UBASH3B: variants seen among roughly 807,000 people sequenced by gnomAD.
The protein encoded by UBASH3B is ubiquitin associated and SH3 domain containing B, also known as ubiquitin-associated and SH3 domain-containing protein B.
A neutral mutation model predicts 83.4 loss-of-function variants in UBASH3B; 37 were observed. That is an observed-to-expected ratio of 0.44 (90% CI 0.34 to 0.58). UBASH3B has a LOEUF of 0.58. Among genes scored for constraint, UBASH3B ranks in the 20% least tolerant of loss-of-function variants. UBASH3B has a pLI of 0.01. For synonymous variants in UBASH3B, 304 were observed against 318.3 expected (o/e 0.96, Z 0.48); for missense variants, 657 against 827.2 (o/e 0.79, Z 2.52).
At chr11:122,672,388 T>G (rs1281252602) in intron 1 of UBASH3B, among the ~76,000 whole-genome samples, 1 of 152,014 alleles carries the variant, frequency 6.6e-6, no homozygotes, top group Non-Finnish European at 1.5e-5. Context: ...GGTACAATCT[T>G]GGCTCACTGC....
intron 6 of UBASH3B, among the ~76,000 whole-genome samples, chr11:122,789,863 T>A (rs939236834): frequency 6.6e-6 from 1 of 152,132 alleles, no homozygotes; most frequent in Non-Finnish European, 1.5e-5. Context: ...AGGGGTCCAT[T>A]TCCCCCCTCC....
intron 1 of UBASH3B, among the ~76,000 whole-genome samples, chr11:122,705,042 A>G (rs190116271): frequency 1.6e-4 from 25 of 152,318 alleles, no homozygotes; most frequent in Non-Finnish European, 2.8e-4. Flanking sequence ...CCTGGCCAAC[A>G]TATGTTTGGG....
At chr11:122,671,738 A>C (rs1041128501) in intron 1 of UBASH3B, among the ~76,000 whole-genome samples, 1 of 152,116 alleles carries the variant, frequency 6.6e-6, no homozygotes, top group Non-Finnish European at 1.5e-5. Context: ...GCGGTGGGAC[A>C]CCAGGAAAAC....
intron 1 of UBASH3B, among the ~76,000 whole-genome samples, chr11:122,693,062 TAC>T (rs1491162168): frequency 7.9e-5 from 12 of 151,948 alleles, no homozygotes; most frequent in Admixed American, 7.9e-4. Context: ...TCTCACAAAG[TAC>T]ATTCTCAAGG....
chr11:122,661,323 G>A (rs993863271), intron 1 of UBASH3B, among the ~76,000 whole-genome samples: 1 of 152,204 alleles, frequency 6.6e-6, no homozygotes. Flanking sequence ...CTCCAAGTTG[G>A]CTGCATGAGG....
intron 1 of UBASH3B, among the ~76,000 whole-genome samples, chr11:122,684,680 C>T (rs1863786528): frequency 6.6e-6 from 1 of 152,154 alleles, no homozygotes; most frequent in Non-Finnish European, 1.5e-5. Flanking sequence ...TCACTGCAAC[C>T]TCTACCTCCT....
At chr11:122,700,039 G>A (rs927317049) in intron 1 of UBASH3B, among the ~76,000 whole-genome samples, 1 of 152,192 alleles carries the variant, frequency 6.6e-6, no homozygotes, top group African/African-American at 2.4e-5. Context: ...TCACTTGGCC[G>A]TATTCAGTGG....
At chr11:122,697,105 TG>T (rs371199072) in intron 1 of UBASH3B, among the ~76,000 whole-genome samples, 1 of 152,052 alleles carries the variant, frequency 6.6e-6, no homozygotes, top group African/African-American at 2.4e-5. Flanking sequence ...GATTAGGGTT[TG>T]GGGGGGAAGT....
chr11:122,696,707 G>T (rs1042478579), intron 1 of UBASH3B, among the ~76,000 whole-genome samples: 1 of 152,304 alleles, frequency 6.6e-6, no homozygotes, highest in East Asian at 1.9e-4. Flanking sequence ...TTCCTGGGCC[G>T]TGTTTAGTAC....
chr11:122,660,258 C>T (rs1399801977), intron 1 of UBASH3B, among the ~76,000 whole-genome samples: 1 of 152,028 alleles, frequency 6.6e-6, no homozygotes, highest in Admixed American at 6.6e-5. Context: ...TGAGAAGTGG[C>T]GATTTCACGG....
At chr11:122,679,117 T>A (rs755413786) in intron 1 of UBASH3B, among the ~76,000 whole-genome samples, 2 of 151,988 alleles carry the variant, frequency 1.3e-5, no homozygotes, top group Admixed American at 1.3e-4. Context: ...AAGGATCCAC[T>A]CTAAGGAGGT....
Position 122,806,449 on chromosome 11 carries a change from C to G in UBASH3B, c.1635C>G (p.Ser545=), listed in dbSNP as rs748095803. ...IPISKLVVSE[S]YDTYISRSFQ... Reference sequence around the variant, plus strand: ...TCAGCAAATTAGTTGTTTCAGAATCCTATGATACTTATATCAGTAGAAGTT... The same window carrying G: ...TCAGCAAATTAGTTGTTTCAGAATCGTATGATACTTATATCAGTAGAAGTT... The change falls in exon 12 of 14, where the codon TCC becomes TCG. Residue 545 remains serine, a synonymous_variant. Coordinates refer to ENST00000284273, the MANE Select transcript of UBASH3B (RefSeq NM_032873.5). The surrounding 1 kb of genome is among the most constrained non-coding windows in gnomAD (Gnocchi z 4.0). 3 of 1,605,728 alleles carry G rather than the reference C, an allele frequency of 1.9e-6. No individual in the cohort carries two copies. The East Asian group carries it at 6.7e-5, about 36-fold the overall frequency.
In UBASH3B at chr11:122,759,423, T is replaced by C. The variant is rs999181132; in HGVS notation, c.162-16796T>C. On this transcript the variant is annotated intron_variant, in intron 1 of 13. Coordinates refer to ENST00000284273, the MANE Select transcript of UBASH3B (RefSeq NM_032873.5). This position sits in a 1 kb window ranked among gnomAD's most constrained non-coding sequence, Gnocchi z 4.1. ...GGGTGGTGGTGTGATGGTTTGGGGA[T>C]GATTCAAGTGCATTACATTTATTGT... 1.3e-5 allele frequency among the ~76,000 whole-genome samples: 2 copies of C among 152,384 alleles called. No individual in the cohort carries two copies. Among genetic ancestry groups the C allele is most frequent in the Admixed American group, 1.3e-4 (2 of 15,310 alleles).
At chr11:122,681,194 A>C (rs543207315) in intron 1 of UBASH3B, among the ~76,000 whole-genome samples, 1 of 152,356 alleles carries the variant, frequency 6.6e-6, no homozygotes, top group Non-Finnish European at 1.5e-5. Flanking sequence ...GCATAATAGA[A>C]TGAATCAAGC....
At chr11:122,680,274 C>T (rs1863721447) in intron 1 of UBASH3B, among the ~76,000 whole-genome samples, 1 of 152,204 alleles carries the variant, frequency 6.6e-6, no homozygotes, top group Admixed American at 6.5e-5. Flanking sequence ...CAAATAAAAC[C>T]TCCTGAACTA....
intron 1 of UBASH3B, among the ~76,000 whole-genome samples, chr11:122,706,106 C>CTTTTTTTTT (rs36055058): frequency 1.6e-5 from 2 of 127,030 alleles, no homozygotes; most frequent in Non-Finnish European, 3.2e-5. Context: ...TCTTTTCTTT[C>CTTTTTTTTT]TTTTTTTTTT....
chr11:122,792,080 T>A (rs1188437009), intron 6 of UBASH3B, among the ~76,000 whole-genome samples: 2 of 152,162 alleles, frequency 1.3e-5, no homozygotes, highest in Admixed American at 6.5e-5. Context: ...CTCCACGCTG[T>A]CTCAGAGTGA....
intron 1 of UBASH3B, among the ~76,000 whole-genome samples, chr11:122,686,611 C>T (rs941912667): frequency 2.6e-5 from 4 of 152,080 alleles, no homozygotes; most frequent in Admixed American, 1.3e-4. Context: ...AAGAACATGG[C>T]CCTGGAGGAA....
At chr11:122,726,633 G>A (rs1019074131) in intron 1 of UBASH3B, among the ~76,000 whole-genome samples, 5 of 152,132 alleles carry the variant, frequency 3.3e-5, no homozygotes, top group Admixed American at 2.6e-4. Context: ...GAGCCACTGT[G>A]CCCAGCACCA....
Sources: allele counts gnomAD v4.1 joint callset (sites outside exome capture counted in the v4.1 genomes callset), GRCh38; gene constraint gnomAD v4.1.1; non-coding constraint Gnocchi (gnomAD v3.1); transcripts MANE v1.5; gene names NCBI Gene and HGNC (gene_info 2026-07-23, HGNC 2026-07-21).